Variants in TVP23B observed in about 807,000 individuals in gnomAD.
TVP23B encodes Golgi apparatus membrane protein TVP23 homolog B.
A neutral mutation model predicts 30.6 loss-of-function variants in TVP23B; 10 were observed. The observed-to-expected ratio is 0.33, with a 90% CI of 0.20 to 0.55. The LOEUF (loss-of-function observed/expected upper bound fraction) is 0.55, where lower values mean the gene tolerates loss of function less well. Ranked by LOEUF, TVP23B falls within the 20% of genes least tolerant of loss-of-function variation. The pLI is 0.91. For missense variants in TVP23B, 153 were observed against 243.2 expected (o/e 0.63, Z 2.47); for synonymous variants, 67 against 83.1 (o/e 0.81, Z 1.06).
Position 18,805,702 on chromosome 17 carries a change from A to G in TVP23B, c.*135A>G. The G allele has an allele frequency of 1.4e-6, 2 of 1,475,378 alleles. No individual in the cohort carries two copies. The highest frequency in any genetic ancestry group is 1.4e-5 in the South Asian group (1 of 69,074). 91.4% of individuals were successfully genotyped at this position (1,475,378 alleles called of 1,614,324 possible). A position where few individuals can be genotyped will look rare whatever the true frequency, so the allele number is the denominator to read the frequency against. ...TCCACTTAAAAACTTTATTTATAAAAAGGAAAAGTAGTTTTCATATTAAGT... is the reference window on the plus strand; with the variant it reads ...TCCACTTAAAAACTTTATTTATAAAGAGGAAAAGTAGTTTTCATATTAAGT... On this transcript the variant is annotated 3_prime_UTR_variant, in exon 7 of 7. Transcript: ENST00000307767.
chr17:18,789,676 T>A (rs2035962470), intron 2 of TVP23B: 1 of 462,366 alleles, frequency 2.2e-6, no homozygotes, highest in East Asian at 3.4e-5. Flanking sequence ...CCTGTGTTTT[T>A]AATTCTGTGC....
chr17:18,797,459 G>C (rs1490959393), intron 3 of TVP23B, 120 bp from the exon 4 acceptor site: 12 of 1,454,306 alleles, frequency 8.3e-6, no homozygotes, highest in Non-Finnish European at 1.0e-5. Context: ...TTGCTAACTG[G>C]ATATTATGGA....
rs1219273758 is a variant in TVP23B, at chr17:18,804,194, G to A, written c.519G>A (p.Arg173=). The change falls in exon 6 of 7, where the codon AGG becomes AGA. Residue 173 remains arginine (R), a synonymous_variant. Coordinates refer to ENST00000307767, the MANE Select transcript of TVP23B (RefSeq NM_016078.6). ...LQGANLYGYI[R]CKVRSRKHLT... is the part of the protein sequence containing the mutation. Reference sequence around the variant, plus strand: ...GTGCCAACCTGTATGGTTACATCAGGTGTAAGGTGCGCAGCAGAAAGCATT... The same window carrying A: ...GTGCCAACCTGTATGGTTACATCAGATGTAAGGTGCGCAGCAGAAAGCATT... 3 of 1,613,150 alleles carry A rather than the reference G, an allele frequency of 1.9e-6. No homozygotes were observed. Among genetic ancestry groups the A allele is most frequent in the Admixed American group, 3.3e-5 (2 of 59,798 alleles).
intron 5 of TVP23B, among the ~76,000 whole-genome samples, chr17:18,801,469 T>C (rs918919072): frequency 1.6e-4 from 24 of 152,188 alleles, no homozygotes; most frequent in African/African-American, 5.6e-4. Context: ...CTGAGGCACG[T>C]GGCTGCTGCT....
intron 4 of TVP23B, 26 bp from the exon 5 acceptor site, chr17:18,798,786 A>G (rs768747626): frequency 2.1e-5 from 33 of 1,586,006 alleles, no homozygotes; most frequent in East Asian, 1.1e-4. Flanking sequence ...TCACAACATG[A>G]TAATTGAATT....
rs1474756089 is a variant in TVP23B at position 18,806,349 on chromosome 17, GAAT to G, written c.*789_*791del. On this transcript the variant is annotated 3_prime_UTR_variant, in exon 7 of 7. Coordinates refer to ENST00000307767, the MANE Select transcript of TVP23B (RefSeq NM_016078.6). ...GAGCATTATTCTCATGTCATAATGA[GAAT>G]AATAATTTACATACTTGGCATAATA... is the stretch of plus-strand genomic sequence containing the variant. The G allele has an allele frequency of 1.4e-6, 1 of 697,186 alleles. No individual in the cohort carries two copies. Among genetic ancestry groups the G allele is most frequent in the Admixed American group, 6.3e-5 (1 of 15,840 alleles). 43.2% of individuals were successfully genotyped at this position (697,186 alleles called of 1,614,324 possible). A position where few individuals can be genotyped will look rare whatever the true frequency, so the allele number is the denominator to read the frequency against.
rs780525423 is a variant in TVP23B at position 18,798,886 on chromosome 17, A to C, written c.405A>C (p.Pro135=). 1 of 1,613,806 alleles carries C rather than the reference A, an allele frequency of 6.2e-7. No homozygotes were observed. Among genetic ancestry groups the C allele is most frequent in the Non-Finnish European group, 8.5e-7 (1 of 1,179,876 alleles). ...RIFWLGLIAC[P]VLWVIFAFSA... is the part of the protein sequence containing the mutation. ...TTTGGTTGGGACTTATTGCCTGTCC[A>C]GTACTGTGGGTGATATTTGCTTTTA... The change falls in exon 5 of 7, where the codon CCA becomes CCC. Residue 135 remains proline (P), a synonymous_variant. Transcript: ENST00000307767.
rs200888988 is a variant in TVP23B at position 18,801,622 on chromosome 17, G to A, written c.463-2516G>A. ...TCCTTAGTGGGGCTCTTGTCTGCTG[G>A]TTGGCTGTGCACTCTCTTCTGGTTC... On this transcript the variant is annotated intron_variant, in intron 5 of 6. Transcript: ENST00000307767. Among the ~76,000 whole-genome samples the A allele has an allele frequency of 8.5e-4, 129 of 152,024 alleles. 2 individuals are homozygous for A. In the East Asian group the frequency reaches 0.023, roughly 27 times the overall value.
intron 3 of TVP23B, among the ~76,000 whole-genome samples, chr17:18,792,062 T>G (rs1320791145): frequency 2.0e-5 from 3 of 151,800 alleles, no homozygotes; most frequent in Non-Finnish European, 4.4e-5. Context: ...AGACGGAGTT[T>G]CACTTTTGTT....
chr17:18,800,785 C>G (rs2036151165), intron 5 of TVP23B, among the ~76,000 whole-genome samples: 1 of 152,148 alleles, frequency 6.6e-6, no homozygotes, highest in African/African-American at 2.4e-5. Context: ...TATTTATGTT[C>G]TATGGTTTGA....
intron 3 of TVP23B, among the ~76,000 whole-genome samples, chr17:18,793,334 G>A (rs1009107922): frequency 7.9e-5 from 12 of 151,782 alleles, no homozygotes; most frequent in Admixed American, 5.9e-4. Flanking sequence ...ATGGCTGGGC[G>A]CGGTGGCTCA....
At chr17:18,794,628 G>T (rs1482282104) in intron 3 of TVP23B, among the ~76,000 whole-genome samples, 1 of 152,110 alleles carries the variant, frequency 6.6e-6, no homozygotes, top group Non-Finnish European at 1.5e-5. Context: ...ATAAGCGTGA[G>T]AAATCAGGAA....
chr17:18,783,772 C>T (rs1054367562), intron 1 of TVP23B, among the ~76,000 whole-genome samples: 1 of 152,218 alleles, frequency 6.6e-6, no homozygotes, highest in African/African-American at 2.4e-5. Flanking sequence ...AATTCTCTTT[C>T]TTGTATCATC....
intron 6 of TVP23B, among the ~76,000 whole-genome samples, chr17:18,805,237 G>A (rs1488158742): frequency 2.6e-5 from 4 of 151,612 alleles, no homozygotes; most frequent in Admixed American, 1.3e-4. Context: ...TACAGGCGCC[G>A]CCACCACGCC....
chr17:18,787,199 A>G (rs1427803062), intron 1 of TVP23B, among the ~76,000 whole-genome samples: 1 of 152,190 alleles, frequency 6.6e-6, no homozygotes. Flanking sequence ...GTTTGAAACC[A>G]GCCTGGCCAA....
At chr17:18,783,050 A>AACACAACAATGTTG in intron 1 of TVP23B, among the ~76,000 whole-genome samples, 1 of 135,010 alleles carries the variant, frequency 7.4e-6, no homozygotes, top group Non-Finnish European at 1.6e-5. Flanking sequence ...AGGCTGGAGA[A>AACACAACAATGTTG]ACACAACAAT....
At chr17:18,789,460 CTG>C in intron 2 of TVP23B, 25 bp downstream of exon 2, 1 of 1,613,912 alleles carries the variant, frequency 6.2e-7, no homozygotes, top group Non-Finnish European at 8.5e-7. Flanking sequence ...GTTGCATGAG[CTG>C]TGTTAGTGTC....
At chr17:18,793,104 C>T (rs1200944532) in intron 3 of TVP23B, among the ~76,000 whole-genome samples, 2 of 151,990 alleles carry the variant, frequency 1.3e-5, no homozygotes, top group South Asian at 2.1e-4. Flanking sequence ...TCTCCTGGGC[C>T]GCATTCAAAG....
intron 1 of TVP23B, among the ~76,000 whole-genome samples, chr17:18,784,196 C>T (rs2035864682): frequency 6.6e-6 from 1 of 152,118 alleles, no homozygotes; most frequent in African/African-American, 2.4e-5. Context: ...TGCTCTTTCA[C>T]TGGTCACTCC....
Sources: gnomAD v4.1 joint callset for allele counts (sites outside exome capture counted in the v4.1 genomes callset) on GRCh38, gnomAD v4.1.1 for gene constraint, MANE v1.5 for transcripts, NCBI Gene and HGNC (gene_info 2026-07-23, HGNC 2026-07-21) for gene names.